Variants in KCNIP4 observed in about 807,000 individuals in gnomAD.
The protein encoded by KCNIP4 is Kv channel-interacting protein 4.
In KCNIP4, 12 loss-of-function variants were observed where a neutral mutation model predicts 34.0. The ratio of observed to expected loss-of-function variants is 0.35; its 90% CI spans 0.23 to 0.57. The LOEUF (loss-of-function observed/expected upper bound fraction) is 0.57, where lower values mean the gene tolerates loss of function less well. Ranked by LOEUF, KCNIP4 falls within the 20% of genes least tolerant of loss-of-function variation. The pLI, the probability that KCNIP4 is intolerant of heterozygous loss-of-function variation, is 0.83. For missense variants in KCNIP4, 238 were observed against 311.7 expected, an observed-to-expected ratio of 0.76 and a Z score of 1.78; for synonymous variants, 124 against 102.2, an observed-to-expected ratio of 1.21 and a Z score of -1.29.
chr4:21,461,923 A>C (rs1729494454), intron 1 of KCNIP4, among the ~76,000 whole-genome samples: 1 of 151,988 alleles, frequency 6.6e-6, no homozygotes, highest in Non-Finnish European at 1.5e-5. Flanking sequence ...TTTTTAATTG[A>C]CACAAAATAA....
chr4:21,350,207 A>G (rs1246210992), intron 1 of KCNIP4, among the ~76,000 whole-genome samples: 1 of 152,148 alleles, frequency 6.6e-6, no homozygotes, highest in Non-Finnish European at 1.5e-5. Flanking sequence ...CATTTTAACT[A>G]AGAATTTTGA....
chr4:21,549,165 A>G (rs13128455), intron 1 of KCNIP4, among the ~76,000 whole-genome samples: 54,744 of 151,782 alleles, frequency 0.36, 10,191 homozygotes, highest in South Asian at 0.52. Flanking sequence ...GCTAATCACA[A>G]GCACACAAGA....
intron 1 of KCNIP4, among the ~76,000 whole-genome samples, chr4:21,112,978 T>C (rs186015814): frequency 4.6e-5 from 7 of 152,324 alleles, no homozygotes; most frequent in Admixed American, 4.6e-4. Flanking sequence ...TTTTCTAAGA[T>C]TGTAAACCCT....
At chr4:21,243,897 C>G (rs1415179755) in intron 1 of KCNIP4, among the ~76,000 whole-genome samples, 1 of 152,094 alleles carries the variant, frequency 6.6e-6, no homozygotes, top group Non-Finnish European at 1.5e-5. Flanking sequence ...GAGAAAATAA[C>G]ATGTGCCAAG....
At chr4:21,241,128 A>G (rs1370297795) in intron 1 of KCNIP4, among the ~76,000 whole-genome samples, 1 of 152,164 alleles carries the variant, frequency 6.6e-6, no homozygotes, top group Non-Finnish European at 1.5e-5. Context: ...TTGATGGTAG[A>G]GTTTGGTAAA....
At chr4:21,218,068 T>C (rs1757725785) in intron 1 of KCNIP4, among the ~76,000 whole-genome samples, 1 of 151,362 alleles carries the variant, frequency 6.6e-6, no homozygotes, top group South Asian at 2.1e-4. Flanking sequence ...CAGGCTGGAG[T>C]GCAATGGTAG....
chr4:21,804,526 A>G (rs1721183922), intron 1 of KCNIP4, among the ~76,000 whole-genome samples: 1 of 152,210 alleles, frequency 6.6e-6, no homozygotes, highest in Non-Finnish European at 1.5e-5. Flanking sequence ...TCATTCATCA[A>G]ATAATTGATG....
intron 1 of KCNIP4, among the ~76,000 whole-genome samples, chr4:21,010,725 A>G (rs1392783377): frequency 6.6e-6 from 1 of 152,242 alleles, no homozygotes; most frequent in Non-Finnish European, 1.5e-5. Context: ...ATTTTTAGCA[A>G]TAAGAGCATA....
intron 1 of KCNIP4, among the ~76,000 whole-genome samples, chr4:21,504,936 G>C (rs766243437): frequency 7.2e-5 from 11 of 152,142 alleles, no homozygotes; most frequent in Non-Finnish European, 1.6e-4. Flanking sequence ...CCTCTTTGTG[G>C]TAAGGTAGCC....
intron 1 of KCNIP4, among the ~76,000 whole-genome samples, chr4:21,875,783 T>C (rs1411606913): frequency 2.0e-5 from 3 of 152,196 alleles, no homozygotes; most frequent in Non-Finnish European, 4.4e-5. Context: ...GATTTCATTA[T>C]AGTAAATGCT....
chr4:20,957,238 C>T lies in KCNIP4; in HGVS notation c.62-74529G>A, dbSNP rs184526841. Among the ~76,000 whole-genome samples the T allele has an allele frequency of 3.9e-5, 6 of 152,288 alleles. No individual in the cohort carries two copies. The East Asian group carries it at 9.6e-4, about 24-fold the overall frequency. On this transcript the variant is annotated intron_variant, in intron 1 of 8. Transcript: ENST00000382152. ...TTCCTTCAGATTCCACAGTGACCCT[C>T]TTGAGAGTGAGGGTTCTATCTAGTT... is the stretch of plus-strand genomic sequence containing the variant.
chr4:20,833,052 C>A (rs148976023), intron 3 of KCNIP4, among the ~76,000 whole-genome samples: 1,623 of 152,302 alleles, frequency 0.011, 61 homozygotes, highest in Admixed American at 0.076. Flanking sequence ...CACCAAATAG[C>A]TTGTGATGCT....
chr4:21,087,112 T>C (rs1031929657), intron 1 of KCNIP4, among the ~76,000 whole-genome samples: 2 of 150,430 alleles, frequency 1.3e-5, no homozygotes, highest in Admixed American at 6.6e-5. Flanking sequence ...CCCGAGTAGC[T>C]GGCATTACAG....
intron 1 of KCNIP4, among the ~76,000 whole-genome samples, chr4:21,467,804 T>C (rs1730122763): frequency 6.6e-6 from 1 of 152,166 alleles, no homozygotes; most frequent in Non-Finnish European, 1.5e-5. Context: ...CCCACTTAGG[T>C]ATATCAAATA....
intron 1 of KCNIP4, among the ~76,000 whole-genome samples, chr4:21,080,018 T>C (rs938969490): frequency 6.6e-6 from 1 of 151,934 alleles, no homozygotes; most frequent in African/African-American, 2.4e-5. Flanking sequence ...TGAAAGATAG[T>C]AAATTTGTGC....
At chr4:21,465,177 G>A (rs144580898) in intron 1 of KCNIP4, among the ~76,000 whole-genome samples, 1 of 152,058 alleles carries the variant, frequency 6.6e-6, no homozygotes, top group Admixed American at 6.6e-5. Context: ...TCATTCATAA[G>A]CACTGAGTTG....
At chr4:20,937,591 T>C (rs1005824932) in intron 1 of KCNIP4, among the ~76,000 whole-genome samples, 7 of 152,062 alleles carry the variant, frequency 4.6e-5, no homozygotes, top group Non-Finnish European at 8.8e-5. Context: ...AATGTGATCA[T>C]AGGAAAATCA....
chr4:21,288,497 C>T lies in KCNIP4; in HGVS notation c.62-405788G>A, dbSNP rs1259495701. On this transcript the variant is annotated intron_variant, in intron 1 of 8. Transcript: ENST00000382152. ...TTATGAAAAAGAATAAGAACAAATG[C>T]TTACATAGTGTTAACCTTGAGCCAG... 2.6e-5 allele frequency among the ~76,000 whole-genome samples: 4 copies of T among 152,242 alleles called. No individual in the cohort carries two copies. The East Asian group carries it at 5.8e-4, about 22-fold the overall frequency.
At chr4:21,155,570 A>T (rs2109259964) in intron 1 of KCNIP4, among the ~76,000 whole-genome samples, 1 of 152,266 alleles carries the variant, frequency 6.6e-6, no homozygotes, top group South Asian at 2.1e-4. Flanking sequence ...GTTAATAAAG[A>T]GCTATTGGAC....
Sources: allele counts gnomAD v4.1 joint callset (sites outside exome capture counted in the v4.1 genomes callset), GRCh38; gene constraint gnomAD v4.1.1; transcripts MANE v1.5; gene names NCBI Gene and HGNC (gene_info 2026-07-23, HGNC 2026-07-21).